PARN: variants seen among roughly 807,000 people sequenced by gnomAD.
The protein encoded by PARN is poly(A)-specific ribonuclease, also known as poly(A)-specific ribonuclease PARN.
A neutral mutation model predicts 102.8 loss-of-function variants in PARN; 71 were observed. That is an observed-to-expected ratio of 0.69 (90% CI 0.57 to 0.84). PARN has a LOEUF of 0.84. Among genes scored for constraint, PARN ranks in the 40% least tolerant of loss-of-function variants. PARN has a pLI of 0.00. For missense variants in PARN, 782 were observed against 760.9 expected (o/e 1.03, Z -0.33); for synonymous variants, 261 against 252.9 (o/e 1.03, Z -0.30).
At chr16:14,552,323 A>G (rs1480069271) in intron 20 of PARN, among the ~76,000 whole-genome samples, 1 of 152,196 alleles carries the variant, frequency 6.6e-6, no homozygotes, top group African/African-American at 2.4e-5. Context: ...CAGGGGGAAA[A>G]GACGCTATTA....
At chr16:14,523,785 G>T (rs1385211350) in intron 21 of PARN, among the ~76,000 whole-genome samples, 1 of 152,152 alleles carries the variant, frequency 6.6e-6, no homozygotes, top group Non-Finnish European at 1.5e-5. Flanking sequence ...TCATTCAGAG[G>T]ACAGGGAGGT....
In PARN at chr16:14,452,627, G is replaced by A. The variant is rs955360016; in HGVS notation, c.1671-5546C>T. 7.2e-5 allele frequency among the ~76,000 whole-genome samples: 11 copies of A among 152,160 alleles called. No homozygotes were observed. In the East Asian group the frequency reaches 9.6e-4, roughly 13 times the overall value. ...GCTGGGATTACAGGCGTGAGCCACC[G>A]CACCCACCCTACAGCATATTTCTTA... On this transcript the variant is annotated intron_variant, in intron 22 of 23. Coordinates refer to ENST00000437198, the MANE Select transcript of PARN (RefSeq NM_002582.4).
At chr16:14,566,612 G>C (rs554359657) in intron 18 of PARN, among the ~76,000 whole-genome samples, 1 of 152,252 alleles carries the variant, frequency 6.6e-6, no homozygotes, top group East Asian at 1.9e-4. Flanking sequence ...ATACCCTACA[G>C]AACACTAATC....
At chr16:14,599,638 C>A (rs947618937) in intron 12 of PARN, among the ~76,000 whole-genome samples, 5 of 152,040 alleles carry the variant, frequency 3.3e-5, no homozygotes, top group Non-Finnish European at 7.4e-5. Context: ...TCTTGGTTTC[C>A]ATGTAGCCAT....
intron 21 of PARN, among the ~76,000 whole-genome samples, chr16:14,495,982 A>G (rs1269118886): frequency 6.6e-6 from 1 of 152,208 alleles, no homozygotes; most frequent in African/African-American, 2.4e-5. Context: ...GAAGAGCAGA[A>G]GAGGCCATGG....
At chr16:14,617,074 TTTA>T (rs993765029) in intron 6 of PARN, among the ~76,000 whole-genome samples, 4 of 150,474 alleles carry the variant, frequency 2.7e-5, no homozygotes, top group Admixed American at 6.6e-5. Context: ...TTTGTTTTTT[TTTA>T]AAAAAAAAAA....
At position 14,436,527 on chromosome 16, in the gene PARN, T is replaced by G. The variant is rs2151543803; in HGVS notation, c.*190A>C. 6.6e-6 allele frequency: 4 copies of G among 602,950 alleles called. No individual in the cohort carries two copies. The highest frequency in any genetic ancestry group is 8.9e-6 in the Non-Finnish European group (3 of 338,160). The allele number at this position is 602,950 out of a possible 1,614,324, so 37.3% of individuals were successfully genotyped here. On this transcript the variant is annotated 3_prime_UTR_variant, in exon 24 of 24. Coordinates refer to ENST00000437198, the MANE Select transcript of PARN (RefSeq NM_002582.4). Reference sequence around the variant, plus strand: ...GATGAGTGTCAATGTCAACAGGCAGTTAGATTAAAAAGGGGAAAAAACCAC... The same window carrying G: ...GATGAGTGTCAATGTCAACAGGCAGGTAGATTAAAAAGGGGAAAAAACCAC...
chr16:14,464,915 G>A (rs1279776507), intron 22 of PARN, among the ~76,000 whole-genome samples: 2 of 152,098 alleles, frequency 1.3e-5, no homozygotes, highest in African/African-American at 2.4e-5. Flanking sequence ...AAACAAAAAA[G>A]CTGAAAGAGT....
At chr16:14,592,707 C>G (rs1970270532) in intron 13 of PARN, among the ~76,000 whole-genome samples, 1 of 152,186 alleles carries the variant, frequency 6.6e-6, no homozygotes, top group African/African-American at 2.4e-5. Flanking sequence ...CTAATTGTAG[C>G]AGGACCAAAC....
intron 13 of PARN, among the ~76,000 whole-genome samples, chr16:14,588,156 G>A (rs566512876): frequency 1.4e-4 from 21 of 152,270 alleles, no homozygotes; most frequent in African/African-American, 5.1e-4. Context: ...GCTGCACCGC[G>A]GAAAGTTAAG....
At position 14,555,723 on chromosome 16, in the gene PARN, A is replaced by C; in HGVS notation, c.1263-14T>G. On this transcript the variant is annotated splice_polypyrimidine_tract_variant and intron_variant, in intron 18 of 23. Coordinates refer to ENST00000437198, the MANE Select transcript of PARN (RefSeq NM_002582.4). ...ATAAGAAATAACCTACAAGAAGAAA[A>C]GACAAACAAGTAATGGGCAATTTCC... 2.8e-6 allele frequency: 4 copies of C among 1,417,344 alleles called. No individual in the cohort carries two copies. Among genetic ancestry groups the C allele is most frequent in the Non-Finnish European group, 3.8e-6 (4 of 1,040,160 alleles). 87.8% of individuals were successfully genotyped at this position (1,417,344 alleles called of 1,614,324 possible). A position where few individuals can be genotyped will look rare whatever the true frequency, so the allele number is the denominator to read the frequency against.
intron 21 of PARN, among the ~76,000 whole-genome samples, chr16:14,551,483 T>C (rs1433615132): frequency 1.3e-5 from 2 of 151,946 alleles, no homozygotes; most frequent in Non-Finnish European, 2.9e-5. Context: ...ACAGGAGAAG[T>C]GCTTGAACCC....
At chr16:14,547,566 G>C (rs1422224229) in intron 21 of PARN, among the ~76,000 whole-genome samples, 1 of 152,042 alleles carries the variant, frequency 6.6e-6, no homozygotes, top group Non-Finnish European at 1.5e-5. Context: ...AAAATTAGCA[G>C]GGTGTGGTGA....
At chr16:14,461,550 ACTT>A (rs1473855472) in intron 22 of PARN, among the ~76,000 whole-genome samples, 5 of 152,168 alleles carry the variant, frequency 3.3e-5, no homozygotes, top group Admixed American at 2.6e-4. Flanking sequence ...TGCTGGCGTT[ACTT>A]CTTCTGGGAC....
At chr16:14,570,315 C>CTT (rs1968711274) in intron 18 of PARN, among the ~76,000 whole-genome samples, 1 of 92,292 alleles carries the variant, frequency 1.1e-5, no homozygotes. Flanking sequence ...GAGCGAGACT[C>CTT]TGTCTCAAAA....
At chr16:14,591,390 T>A (rs1279884447) in intron 13 of PARN, among the ~76,000 whole-genome samples, 1 of 139,070 alleles carries the variant, frequency 7.2e-6, no homozygotes, top group African/African-American at 2.7e-5. Context: ...ACTCCATCTC[T>A]AAAAAAAAAA....
chr16:14,484,320 G>C (rs1252449010), intron 21 of PARN, among the ~76,000 whole-genome samples: 1 of 152,142 alleles, frequency 6.6e-6, no homozygotes, highest in African/African-American at 2.4e-5. Flanking sequence ...ATCAATGGTG[G>C]CCTCTTGGTG....
chr16:14,629,468 G>A, intron 2 of PARN, 129 bp downstream of exon 2: 1 of 701,934 alleles, frequency 1.4e-6, no homozygotes, highest in South Asian at 1.6e-5. Context: ...ACTGAGACCT[G>A]TGAAACCCGC....
intron 22 of PARN, among the ~76,000 whole-genome samples, chr16:14,450,309 G>A (rs182580923): frequency 6.6e-6 from 1 of 152,294 alleles, no homozygotes; most frequent in Non-Finnish European, 1.5e-5. Context: ...TTCTGTAGTA[G>A]AATGAGTGAA....
Sources: allele counts gnomAD v4.1 joint callset (sites outside exome capture counted in the v4.1 genomes callset), GRCh38; gene constraint gnomAD v4.1.1; transcripts MANE v1.5; gene names NCBI Gene and HGNC (gene_info 2026-07-23, HGNC 2026-07-21).